The following UACA variants were observed in gnomAD, a reference collection of about 807,000 sequenced individuals.
UACA encodes nuclear membrane binding protein.
In UACA, 112 loss-of-function variants were observed where a neutral mutation model predicts 160.5. That is an observed-to-expected ratio of 0.70 (90% CI 0.60 to 0.82). The LOEUF (loss-of-function observed/expected upper bound fraction) is 0.82, where lower values mean the gene tolerates loss of function less well. Among genes scored for constraint, UACA ranks in the 40% least tolerant of loss-of-function variants. The pLI, the probability that UACA is intolerant of heterozygous loss-of-function variation, is 0.00. For synonymous variants in UACA, 557 were observed against 568.4 expected, an observed-to-expected ratio of 0.98 and a Z score of 0.29; for missense variants, 1,574 against 1,614.6, an observed-to-expected ratio of 0.97 and a Z score of 0.43.
chr15:70,682,493 T>C (rs1443698097), intron 9 of UACA, among the ~76,000 whole-genome samples: 1 of 152,112 alleles, frequency 6.6e-6, no homozygotes, highest in African/African-American at 2.4e-5. Flanking sequence ...AAAAACTGAA[T>C]GCTCACGGCC....
intron 9 of UACA, among the ~76,000 whole-genome samples, chr15:70,682,235 G>A (rs1434168348): frequency 6.6e-6 from 1 of 152,096 alleles, no homozygotes; most frequent in African/African-American, 2.4e-5. Context: ...TTGTTATTCC[G>A]TAAAGTCCTC....
At chr15:70,762,093 C>T (rs991744604) in intron 1 of UACA, among the ~76,000 whole-genome samples, 1 of 151,992 alleles carries the variant, frequency 6.6e-6, no homozygotes, top group Admixed American at 6.6e-5. Flanking sequence ...TTTCCATGAG[C>T]TTATAAAACG....
At chr15:70,752,655 A>C (rs1260505095) in intron 1 of UACA, among the ~76,000 whole-genome samples, 1 of 151,978 alleles carries the variant, frequency 6.6e-6, no homozygotes, top group Non-Finnish European at 1.5e-5. Context: ...TTTTTTTTAA[A>C]ATGATTTGTG....
chr15:70,689,978 T>C (rs1184122609), intron 5 of UACA, among the ~76,000 whole-genome samples: 2 of 152,190 alleles, frequency 1.3e-5, no homozygotes, highest in African/African-American at 4.8e-5. Flanking sequence ...TATGATTTGA[T>C]TATACTTATT....
chr15:70,679,703 G>A (rs777185772), intron 9 of UACA, 27 bp from the exon 10 acceptor site: 3 of 1,461,000 alleles, frequency 2.1e-6, no homozygotes, highest in African/African-American at 2.8e-5. Flanking sequence ...GAAAACACGG[G>A]TCAGCAAGTG....
chr15:70,695,076 A>T lies in UACA; in HGVS notation c.242T>A (p.Leu81His). Residue 81 changes from leucine to histidine, a missense_variant, in exon 3 of 19, where the codon CTT becomes CAT. Transcript: ENST00000322954. ...TATAAGGATGGCATTCAAACACTCA[A>T]GATTCCCCTTTGAGGTCACAACATG... The part of the protein sequence containing the change: ...VFHVVTSKGN[L>H]ECLNAILIHG... 6.2e-7 allele frequency: 1 copy of T among 1,609,778 alleles called. No individual in the cohort carries two copies.
intron 1 of UACA, among the ~76,000 whole-genome samples, chr15:70,757,550 T>G (rs2030504803): frequency 6.6e-6 from 1 of 152,196 alleles, no homozygotes. Context: ...AAAGTATAAC[T>G]AAAACAGACA....
chr15:70,689,557 TA>T (rs978619274), intron 5 of UACA, among the ~76,000 whole-genome samples: 5 of 152,136 alleles, frequency 3.3e-5, no homozygotes, highest in Non-Finnish European at 7.4e-5. Context: ...GCAAAATTTT[TA>T]AAAATTAAGG....
chr15:70,728,321 T>C (rs945539002), intron 1 of UACA, among the ~76,000 whole-genome samples: 3 of 152,146 alleles, frequency 2.0e-5, no homozygotes, highest in African/African-American at 7.2e-5. Flanking sequence ...CCCAGCACTT[T>C]GGGAGGCCAA....
intron 2 of UACA, among the ~76,000 whole-genome samples, chr15:70,695,899 C>T (rs1898109480): frequency 6.6e-6 from 1 of 152,134 alleles, no homozygotes; most frequent in Non-Finnish European, 1.5e-5. Context: ...GCAATGAGAA[C>T]TGACATTCTG....
chr15:70,755,277 A>G (rs540687159), intron 1 of UACA, among the ~76,000 whole-genome samples: 15 of 152,178 alleles, frequency 9.9e-5, no homozygotes, highest in Non-Finnish European at 1.6e-4. Context: ...CACTAATAGG[A>G]TAATTTCTGA....
At chr15:70,725,273 T>TTTA (rs1335097498) in intron 1 of UACA, among the ~76,000 whole-genome samples, 1 of 152,188 alleles carries the variant, frequency 6.6e-6, no homozygotes, top group Non-Finnish European at 1.5e-5. Flanking sequence ...ATAGCTCATA[T>TTTA]TTATAATAGA....
intron 17 of UACA, chr15:70,660,525 G>A (rs1020535127): frequency 3.5e-5 from 10 of 285,262 alleles, no homozygotes; most frequent in South Asian, 1.6e-4. Context: ...TATTGCAAAC[G>A]CTTCCCATCC....
chr15:70,671,153 T>C, intron 14 of UACA, 62 bp from the exon 15 acceptor site: 1 of 1,160,710 alleles, frequency 8.6e-7, no homozygotes, highest in African/African-American at 1.5e-5. Context: ...AGGCTAAACA[T>C]TAATTTGATG....
chr15:70,677,046 C>T (rs1897322047), intron 12 of UACA, 62 bp downstream of exon 12: 1 of 1,298,440 alleles, frequency 7.7e-7, no homozygotes, highest in Admixed American at 2.0e-5. Flanking sequence ...TAAACCTTTA[C>T]TACTATATCA....
intron 1 of UACA, among the ~76,000 whole-genome samples, chr15:70,728,422 G>A (rs376648218): frequency 6.6e-6 from 1 of 151,922 alleles, no homozygotes; most frequent in Admixed American, 6.6e-5. Context: ...AATTAGCCAG[G>A]CGTGGTGGTG....
At chr15:70,760,662 C>G (rs2030694980) in intron 1 of UACA, among the ~76,000 whole-genome samples, 1 of 151,984 alleles carries the variant, frequency 6.6e-6, no homozygotes, top group African/African-American at 2.4e-5. Context: ...CAAAAATTAG[C>G]CTGGCGTGGT....
intron 1 of UACA, among the ~76,000 whole-genome samples, chr15:70,737,747 T>TA (rs1412895529): frequency 1.3e-5 from 2 of 152,166 alleles, no homozygotes; most frequent in Non-Finnish European, 2.9e-5. Context: ...AAACACTTGT[T>TA]AGTCTATTTG....
intron 1 of UACA, among the ~76,000 whole-genome samples, chr15:70,756,891 A>G (rs1362472640): frequency 3.3e-5 from 5 of 152,216 alleles, no homozygotes; most frequent in Non-Finnish European, 2.9e-5. Context: ...AAAATGAAGG[A>G]TAAAGACTCT....
Sources: allele counts gnomAD v4.1 joint callset (sites outside exome capture counted in the v4.1 genomes callset), GRCh38; gene constraint gnomAD v4.1.1; transcripts MANE v1.5; gene names NCBI Gene and HGNC (gene_info 2026-07-23, HGNC 2026-07-21).